The following TENM3 variants were observed in gnomAD, a reference collection of about 807,000 sequenced individuals.
The protein encoded by TENM3 is teneurin-3.
TENM3 carries 63 observed loss-of-function variants against 255.1 expected under a neutral mutation model. The ratio of observed to expected loss-of-function variants is 0.25; its 90% confidence interval spans 0.20 to 0.30. The LOEUF (loss-of-function observed/expected upper bound fraction) is 0.30, where lower values mean the gene tolerates loss of function less well. TENM3 is among the 10% of genes least tolerant of loss of function. The pLI, the probability that TENM3 is intolerant of heterozygous loss-of-function variation, is 1.00. For synonymous variants in TENM3, 1,306 were observed against 1,322.3 expected (o/e 0.99, Z 0.27); for missense variants, 2,929 against 3,461.1 (o/e 0.85, Z 3.86).
chr4:182,486,817 C>T (rs1734785613), intron 3 of TENM3, among the ~76,000 whole-genome samples: 1 of 152,154 alleles, frequency 6.6e-6, no homozygotes, highest in Admixed American at 6.6e-5. Flanking sequence ...TCAATATACA[C>T]TGCCTTGGCC....
chr4:182,143,779 C>T (rs566267113), upstream of TENM3: 371 of 152,686 alleles, frequency 2.4e-3, no homozygotes, highest in African/African-American at 8.4e-3. This position sits in a 1 kb window ranked among gnomAD's most constrained non-coding sequence, Gnocchi z 4.3. Context: ...GCGGGCAGAC[C>T]CCTCATCAGA....
chr4:181,908,410 C>G, the TENM3 span, among the ~76,000 whole-genome samples: 1 of 152,142 alleles, frequency 6.6e-6, no homozygotes, highest in Admixed American at 6.5e-5. Flanking sequence ...CATAGCCCAA[C>G]TACACTGTGC....
chr4:182,743,285 T>C lies in TENM3; in HGVS notation c.3495T>C (p.Gly1165=), dbSNP rs1320452274. The change falls in exon 19 of 28, where the codon GGT becomes GGC. Residue 1165 remains glycine, a synonymous_variant. Transcript: ENST00000511685. ...GCATTTCCTGCCCCAGTTGCAATGG[T>C]CAAGCTGATGGTAACAAGTTACTGG... ...RRSISCPSCN[G]QADGNKLLAP... 1 of 1,614,028 alleles carries C rather than the reference T, an allele frequency of 6.2e-7. No individual in the cohort carries two copies. The highest frequency in any genetic ancestry group is 8.5e-7 in the Non-Finnish European group (1 of 1,179,892).
At chr4:181,841,525 T>G in the TENM3 span, among the ~76,000 whole-genome samples, 1 of 152,184 alleles carries the variant, frequency 6.6e-6, no homozygotes, top group Non-Finnish European at 1.5e-5. Context: ...TAAAATTTAT[T>G]TTAGAAATGC....
chr4:181,830,293 G>A, the TENM3 span, among the ~76,000 whole-genome samples: 1 of 152,048 alleles, frequency 6.6e-6, no homozygotes, highest in African/African-American at 2.4e-5. Context: ...TTTTTGAGCA[G>A]AGTCTTGCTC....
At chr4:181,722,723 G>A in the TENM3 span, among the ~76,000 whole-genome samples, 1 of 152,140 alleles carries the variant, frequency 6.6e-6, no homozygotes, top group Non-Finnish European at 1.5e-5. Flanking sequence ...TGTGATAATA[G>A]TGTGGATACA....
At chr4:182,560,372 C>T (rs1743031828) in intron 3 of TENM3, among the ~76,000 whole-genome samples, 1 of 152,124 alleles carries the variant, frequency 6.6e-6, no homozygotes, top group Non-Finnish European at 1.5e-5. Flanking sequence ...AGATTCCATT[C>T]CCAAGGTGAT....
intron 3 of TENM3, among the ~76,000 whole-genome samples, chr4:182,540,616 T>G (rs1222449616): frequency 2.0e-5 from 3 of 152,160 alleles, no homozygotes; most frequent in African/African-American, 7.2e-5. Flanking sequence ...TAAAAAATAT[T>G]TATCCAGTGA....
chr4:181,905,304 C>A, the TENM3 span, among the ~76,000 whole-genome samples: 1,138 of 152,250 alleles, frequency 7.5e-3, 15 homozygotes, highest in African/African-American at 0.026. Context: ...TTGTTTACAA[C>A]ATAGATACCA....
chr4:182,224,823 G>A (rs545874975), intron 1 of TENM3, among the ~76,000 whole-genome samples: 90 of 149,446 alleles, frequency 6.0e-4, no homozygotes, highest in Middle Eastern at 3.5e-3. Context: ...TGTAAACTCC[G>A]CCTCCCAGGT....
At chr4:182,212,777 G>T (rs980938418) in intron 1 of TENM3, among the ~76,000 whole-genome samples, 1 of 152,184 alleles carries the variant, frequency 6.6e-6, no homozygotes, top group African/African-American at 2.4e-5. Context: ...AATCAATTTT[G>T]ACTTCCCAAA....
At chr4:182,053,027 C>G in the TENM3 span, among the ~76,000 whole-genome samples, 90 of 152,200 alleles carry the variant, frequency 5.9e-4, 1 homozygote, top group African/African-American at 2.1e-3. Context: ...CTATGTTCCC[C>G]AGGCTGGACC....
At chr4:182,222,909 G>A (rs1269044521) in intron 1 of TENM3, among the ~76,000 whole-genome samples, 3 of 152,212 alleles carry the variant, frequency 2.0e-5, no homozygotes, top group South Asian at 2.1e-4. Context: ...AGACAAGCTC[G>A]TCCCTAAGAG....
the TENM3 span, among the ~76,000 whole-genome samples, chr4:181,494,348 A>G: frequency 6.6e-6 from 1 of 152,054 alleles, no homozygotes; most frequent in Admixed American, 6.6e-5. Context: ...GCAATGGCGC[A>G]ATCTTAGCTC....
chr4:181,636,900 A>G, the TENM3 span, among the ~76,000 whole-genome samples: 1 of 152,076 alleles, frequency 6.6e-6, no homozygotes, highest in Non-Finnish European at 1.5e-5. Flanking sequence ...TGCATCCTTT[A>G]CACTTCCCCA....
chr4:181,594,488 A>G, the TENM3 span, among the ~76,000 whole-genome samples: 1 of 152,148 alleles, frequency 6.6e-6, no homozygotes, highest in African/African-American at 2.4e-5. Context: ...TCCAAACAAA[A>G]CAGCCTCCTT....
the TENM3 span, among the ~76,000 whole-genome samples, chr4:181,585,755 T>C: frequency 1.3e-5 from 2 of 152,210 alleles, no homozygotes; most frequent in Admixed American, 6.5e-5. Context: ...GCCTCTATAA[T>C]CGACTCTCAA....
intron 1 of TENM3, among the ~76,000 whole-genome samples, chr4:182,312,484 A>G (rs1022177350): frequency 1.3e-5 from 2 of 152,254 alleles, no homozygotes; most frequent in African/African-American, 4.8e-5. Context: ...TACTTCAATC[A>G]GAATAAGACA....
chr4:181,715,499 T>C, the TENM3 span, among the ~76,000 whole-genome samples: 3 of 152,238 alleles, frequency 2.0e-5, no homozygotes, highest in Non-Finnish European at 4.4e-5. Context: ...TATTATACTT[T>C]TATGGAAAAA....
Sources: gnomAD v4.1 joint callset for allele counts (sites outside exome capture counted in the v4.1 genomes callset) on GRCh38, gnomAD v4.1.1 for gene constraint, Gnocchi (gnomAD v3.1) non-coding constraint, MANE v1.5 for transcripts, NCBI Gene and HGNC (gene_info 2026-07-23, HGNC 2026-07-21) for gene names.